Variants in PTCHD4 observed in about 807,000 individuals in gnomAD.
PTCHD4 encodes patched domain-containing protein 4.
In PTCHD4, 33 loss-of-function variants were observed where a neutral mutation model predicts 58.1. The ratio of observed to expected loss-of-function variants is 0.57; its 90% CI spans 0.43 to 0.76. PTCHD4 has a LOEUF of 0.76. Ranked by LOEUF, PTCHD4 falls within the 30% of genes least tolerant of loss-of-function variation. PTCHD4 has a pLI of 0.00. For synonymous variants in PTCHD4, 478 were observed against 409.6 expected (o/e 1.17, Z -2.02); for missense variants, 1,058 against 1,027.1 (o/e 1.03, Z -0.41).
In PTCHD4 at chr6:48,070,123, TTGTGTGTG is replaced by T. The variant is rs66484270; in HGVS notation, c.-969-205_-969-198del. ...AAAACTAATATTAATAAGTGTGTGT[TTGTGTGTG>T]TGTGTGTGTGTGTGTGTGTGTGTGT... On this transcript the variant is annotated intron_variant, in intron 1 of 4. Coordinates refer to ENST00000339488, the MANE Select transcript of PTCHD4 (RefSeq NM_001384253.1). Among the ~76,000 whole-genome samples the T allele has an allele frequency of 1.7e-3, 255 of 146,736 alleles. 5 individuals carry two copies. In the East Asian group the frequency reaches 0.021, roughly 12 times the overall value.
chr6:47,964,421 G>GT, intron 4 of PTCHD4, among the ~76,000 whole-genome samples: 1 of 152,176 alleles, frequency 6.6e-6, no homozygotes, highest in South Asian at 2.1e-4. Context: ...AGCCTCCACA[G>GT]TTTCAACCTA....
intron 4 of PTCHD4, among the ~76,000 whole-genome samples, chr6:47,978,353 A>G (rs1333522334): frequency 6.6e-6 from 1 of 152,162 alleles, no homozygotes; most frequent in African/African-American, 2.4e-5. Flanking sequence ...CTAAACTACC[A>G]AGAGGCGGTA....
intron 4 of PTCHD4, among the ~76,000 whole-genome samples, chr6:47,989,858 A>T (rs113588657): frequency 6.6e-6 from 1 of 152,162 alleles, no homozygotes; most frequent in African/African-American, 2.4e-5. Context: ...GAGCTGTGCG[A>T]AGAAGGCCAC....
At position 47,878,294 on chromosome 6, in the gene PTCHD4, C is replaced by A; in HGVS notation, c.*9G>T. The A allele has an allele frequency of 6.4e-7, 1 of 1,572,282 alleles. No homozygotes were observed. The highest frequency in any genetic ancestry group is 1.2e-5 in the South Asian group (1 of 81,882). ...TGGAAAAGAAAAATAATCCACTGGT[C>A]TATACCCCTCATACTGTGGTGACGT... On this transcript the variant is annotated 3_prime_UTR_variant, in exon 5 of 5. Transcript: ENST00000339488.
intron 1 of PTCHD4, among the ~76,000 whole-genome samples, chr6:48,107,576 C>T (rs1248980489): frequency 6.6e-6 from 1 of 151,886 alleles, no homozygotes; most frequent in East Asian, 1.9e-4. Flanking sequence ...AAAGCAATGG[C>T]AACAAAAGCC....
intron 3 of PTCHD4, among the ~76,000 whole-genome samples, chr6:48,048,038 A>G (rs201248833): frequency 1.5e-5 from 2 of 129,426 alleles, no homozygotes; most frequent in African/African-American, 5.8e-5. Context: ...AAAAAAAAAA[A>G]CCCTTTCATG....
chr6:47,957,260 T>A (rs904639021), intron 4 of PTCHD4, among the ~76,000 whole-genome samples: 1 of 147,976 alleles, frequency 6.8e-6, no homozygotes, highest in Non-Finnish European at 1.5e-5. Context: ...TATATATATA[T>A]AATATATATA....
At chr6:47,991,309 C>T (rs551454626) in intron 4 of PTCHD4, among the ~76,000 whole-genome samples, 106 of 151,888 alleles carry the variant, frequency 7.0e-4, no homozygotes, top group Non-Finnish European at 1.2e-3. Context: ...AAAGACAATG[C>T]GATAAAGATG....
intron 1 of PTCHD4, among the ~76,000 whole-genome samples, chr6:48,095,133 A>G (rs1765437956): frequency 6.6e-6 from 1 of 152,190 alleles, no homozygotes; most frequent in South Asian, 2.1e-4. Flanking sequence ...ATGTGTCAAA[A>G]CTTACCAAAT....
intron 3 of PTCHD4, among the ~76,000 whole-genome samples, chr6:48,020,633 C>A (rs1435730728): frequency 6.6e-6 from 1 of 151,996 alleles, no homozygotes; most frequent in African/African-American, 2.4e-5. Flanking sequence ...AGGATAAAGT[C>A]TTTTCTTTGA....
Position 48,060,259 on chromosome 6 carries a change from T to C in PTCHD4, c.417+7971A>G, listed in dbSNP as rs118132179. Among the ~76,000 whole-genome samples, 41 of 152,294 alleles carry C rather than the reference T, an allele frequency of 2.7e-4. 1 individual carries two copies. In the East Asian group the frequency reaches 7.3e-3, roughly 27 times the overall value. On this transcript the variant is annotated intron_variant, in intron 3 of 4. Coordinates refer to ENST00000339488, the MANE Select transcript of PTCHD4 (RefSeq NM_001384253.1). ...CTGCACTGACAATCAGAACTGAACA[T>C]GCTCACTCTCCATGTCATTAAAGGA...
intron 1 of PTCHD4, among the ~76,000 whole-genome samples, chr6:48,075,411 G>A (rs1339455887): frequency 1.3e-5 from 2 of 150,542 alleles, no homozygotes; most frequent in Non-Finnish European, 3.0e-5. Flanking sequence ...AAGTTCTGGA[G>A]AAGATTTCAG....
chr6:48,005,148 A>G (rs971598450), intron 4 of PTCHD4, among the ~76,000 whole-genome samples: 1 of 151,652 alleles, frequency 6.6e-6, no homozygotes, highest in African/African-American at 2.4e-5. Context: ...CTTTGAGAAT[A>G]TTAAGTGGAT....
intron 4 of PTCHD4, among the ~76,000 whole-genome samples, chr6:47,936,683 A>T (rs928786041): frequency 6.6e-6 from 1 of 152,206 alleles, no homozygotes; most frequent in Non-Finnish European, 1.5e-5. Context: ...ATCTATTGTG[A>T]TGTGCTAGGC....
chr6:47,881,745 C>T (rs58293214), intron 4 of PTCHD4, among the ~76,000 whole-genome samples: 8,711 of 152,154 alleles, frequency 0.057, 272 homozygotes, highest in Middle Eastern at 0.099. Context: ...ACACATTGGC[C>T]AAACTTTTGG....
chr6:47,915,042 GT>G (rs1765201031), intron 4 of PTCHD4, among the ~76,000 whole-genome samples: 2 of 152,034 alleles, frequency 1.3e-5, no homozygotes, highest in African/African-American at 4.8e-5. Flanking sequence ...AATAAAATAT[GT>G]CTGCCTGAGG....
At chr6:48,024,749 C>T (rs1312539519) in intron 3 of PTCHD4, among the ~76,000 whole-genome samples, 1 of 152,040 alleles carries the variant, frequency 6.6e-6, no homozygotes, top group Non-Finnish European at 1.5e-5. Flanking sequence ...GTGGCGTTCT[C>T]TGCAGGCAAG....
At chr6:48,043,860 G>A (rs1763938828) in intron 3 of PTCHD4, among the ~76,000 whole-genome samples, 1 of 151,872 alleles carries the variant, frequency 6.6e-6, no homozygotes, top group Admixed American at 6.6e-5. Flanking sequence ...AAGACAAGAT[G>A]CTATTTAACC....
chr6:47,971,177 T>C (rs1161311164), intron 4 of PTCHD4, among the ~76,000 whole-genome samples: 1 of 151,892 alleles, frequency 6.6e-6, no homozygotes, highest in Non-Finnish European at 1.5e-5. Flanking sequence ...GAGAAAAGCA[T>C]GACATTGAAA....
Sources: gnomAD v4.1 joint callset for allele counts (sites outside exome capture counted in the v4.1 genomes callset) on GRCh38, gnomAD v4.1.1 for gene constraint, MANE v1.5 for transcripts, NCBI Gene and HGNC (gene_info 2026-07-23, HGNC 2026-07-21) for gene names.